The following MCFD2 variants were observed in gnomAD, a reference collection of about 807,000 sequenced individuals.
MCFD2 encodes multiple coagulation factor deficiency 2, ER cargo receptor complex subunit.
Under a neutral mutation model 12.8 loss-of-function variants are expected in MCFD2, and 11 were observed. The ratio of observed to expected loss-of-function variants is 0.86; its 90% CI spans 0.54 to 1.42. The LOEUF is 1.42. MCFD2 is among the 40% of genes most tolerant of loss of function. MCFD2 has a pLI of 0.00. For missense variants in MCFD2, 191 were observed against 178.6 expected (o/e 1.07, Z -0.40); for synonymous variants, 70 against 68.1 (o/e 1.03, Z -0.14).
chr2:46,934,222 T>C (rs937973773), intron 1 of MCFD2, among the ~76,000 whole-genome samples: 3 of 152,230 alleles, frequency 2.0e-5, no homozygotes, highest in Non-Finnish European at 4.4e-5. Context: ...TTCACTGTTT[T>C]TTGCAGAAGT....
At chr2:46,927,884 G>GT (rs566447236) in intron 1 of MCFD2, among the ~76,000 whole-genome samples, 8,037 of 73,342 alleles carry the variant, frequency 0.11, 1,925 homozygotes, top group African/African-American at 0.18. Context: ...TTTTTTTGGT[G>GT]TTTTTTTTTT....
At chr2:46,923,543 C>G (rs1290044242) in intron 1 of MCFD2, among the ~76,000 whole-genome samples, 1 of 152,120 alleles carries the variant, frequency 6.6e-6, no homozygotes, top group East Asian at 1.9e-4. Context: ...AGTATCAGAC[C>G]TGTCTCTTTA....
Position 46,934,675 on chromosome 2 carries a change from ACT to A in MCFD2, c.-8+6895_-8+6896del, listed in dbSNP as rs560718158. On this transcript the variant is annotated intron_variant, in intron 1 of 2. Coordinates refer to the MCFD2 transcript ENST00000409147. ...CAGTAAGCCTGGATGACAGAGGGAG[ACT>A]CTGTCTCAAAAACAAAAACAAACAA... Among the ~76,000 whole-genome samples the A allele has an allele frequency of 2.7e-3, 409 of 151,674 alleles. 3 individuals carry two copies. The highest frequency in any genetic ancestry group is 9.4e-3 in the African/African-American group (390 of 41,280).
At position 46,934,787 on chromosome 2, in the gene MCFD2, CTTTTTTTTTTTT is replaced by C. The variant is rs1161003607; in HGVS notation, c.-8+6773_-8+6784del. Among the ~76,000 whole-genome samples, 387 of 66,858 alleles carry C rather than the reference CTTTTTTTTTTTT, an allele frequency of 5.8e-3. 5 individuals are homozygous for C. Among genetic ancestry groups the C allele is most frequent in the African/African-American group, 0.023 (348 of 15,376 alleles). 43.9% of individuals were successfully genotyped at this position (66,858 alleles called of 152,430 possible). The stretch of plus-strand genomic sequence containing the variant: ...GGAATAAGGTATGAAGACTACTGCT[CTTTTTTTTTTTT>C]TTTTTTTTTTTTTTTTTTTTGAGAC... On this transcript the variant is annotated intron_variant, in intron 1 of 2. Coordinates refer to the MCFD2 transcript ENST00000409147.
chr2:46,932,852 G>T (rs1237436195), intron 1 of MCFD2, among the ~76,000 whole-genome samples: 9 of 145,708 alleles, frequency 6.2e-5, no homozygotes, highest in Non-Finnish European at 8.9e-5. Context: ...AGCAAGCGCA[G>T]ATCGCACCAC....
rs550715352 is a variant in MCFD2, at chr2:46,941,585, G to C, written c.-21C>G. Reference sequence around the variant, plus strand: ...CACGGCTCCTACCTGAAGGTGGAGAGCGAGCTGGAGCGCTGCCGCGCCGAG... The same window carrying C: ...CACGGCTCCTACCTGAAGGTGGAGACCGAGCTGGAGCGCTGCCGCGCCGAG... On this transcript the variant is annotated 5_prime_UTR_variant, in exon 1 of 3. Transcript: ENST00000409147. This position sits in a 1 kb window ranked among gnomAD's most constrained non-coding sequence, Gnocchi z 4.2. 2 of 1,557,088 alleles carry C rather than the reference G, an allele frequency of 1.3e-6. No individual in the cohort carries two copies. The highest frequency in any genetic ancestry group is 2.4e-5 in the East Asian group (1 of 41,514).
At chr2:46,917,925 A>G (rs773980978), upstream of MCFD2, among the ~76,000 whole-genome samples, 1 of 152,158 alleles carries the variant, frequency 6.6e-6, no homozygotes, top group Non-Finnish European at 1.5e-5. Flanking sequence ...TGGCTTCTCA[A>G]TCTATAATTA....
rs1167702508 is a variant in MCFD2, at chr2:46,941,505, T to C, written c.-8+67A>G. ...CGCCGCCCCCGGCCGGGTCTCCACT[T>C]CTTGGCCGCACCTTCCATGACAGCG... On this transcript the variant is annotated intron_variant, in intron 1 of 2. Coordinates refer to the MCFD2 transcript ENST00000409147. This position sits in a 1 kb window ranked among gnomAD's most constrained non-coding sequence, Gnocchi z 4.2. 8 of 1,545,456 alleles carry C rather than the reference T, an allele frequency of 5.2e-6. No homozygotes were observed.
chr2:46,909,455 T>G (rs1404186235), intron 1 of MCFD2, among the ~76,000 whole-genome samples: 2 of 152,080 alleles, frequency 1.3e-5, no homozygotes, highest in Non-Finnish European at 2.9e-5. Flanking sequence ...AAGATTATTC[T>G]TGCCTCCCAG....
Position 46,941,626 on chromosome 2 carries a change from A to T in MCFD2, c.-62T>A, listed in dbSNP as rs976227149. ...CCGCGCCGAGGGCCACTGGGACCGC[A>T]TGCCGGAGCTGGTCCGGCAGCTGCA... is the stretch of plus-strand genomic sequence containing the variant. On this transcript the variant is annotated 5_prime_UTR_variant, in exon 1 of 3. Transcript: ENST00000409147. The surrounding 1 kb of genome is among the most constrained non-coding windows in gnomAD (Gnocchi z 4.2). 2 of 1,555,450 alleles carry T rather than the reference A, an allele frequency of 1.3e-6. No homozygotes were observed. The highest frequency in any genetic ancestry group is 1.2e-5 in the South Asian group (1 of 84,354).
Position 46,909,188 on chromosome 2 carries a change from G to A in MCFD2, c.-6-11C>T, listed in dbSNP as rs746342157. 4 of 1,611,670 alleles carry A rather than the reference G, an allele frequency of 2.5e-6. No individual in the cohort carries two copies. Among genetic ancestry groups the A allele is most frequent in the South Asian group, 2.2e-5 (2 of 90,816 alleles). On this transcript the variant is annotated splice_polypyrimidine_tract_variant and intron_variant, in intron 1 of 3. Transcript: ENST00000319466. ...CATGGTCATCAATATCTGTGAGATG[G>A]GAAACACAGAAGAGGAAGGCAGAGC...
rs1486837082 is a variant in MCFD2, at chr2:46,908,279, G to A, written c.150-310C>T. The stretch of plus-strand genomic sequence containing the variant: ...TCCTTTAAAACTTTTTTTTTTTTTT[G>A]AGACAGGGTCTCACTCTGCCACCCA... On this transcript the variant is annotated intron_variant, in intron 2 of 3. Transcript: ENST00000319466. This position sits in a 1 kb window ranked among gnomAD's most constrained non-coding sequence, Gnocchi z 4.5. 2.9e-6 allele frequency: 1 copy of A among 344,428 alleles called. No individual in the cohort carries two copies. The highest frequency in any genetic ancestry group is 5.4e-6 in the Non-Finnish European group (1 of 186,372). The allele number at this position is 344,428 out of a possible 1,614,324, so 21.3% of individuals were successfully genotyped here.
Position 46,940,339 on chromosome 2 carries a change from T to G in MCFD2, c.-8+1233A>C, listed in dbSNP as rs1670223502. 6.6e-6 allele frequency among the ~76,000 whole-genome samples: 1 copy of G among 152,062 alleles called. No homozygotes were observed. Among genetic ancestry groups the G allele is most frequent in the Admixed American group, 6.5e-5 (1 of 15,282 alleles). On this transcript the variant is annotated intron_variant, in intron 1 of 2. Transcript: ENST00000409147. This position sits in a 1 kb window ranked among gnomAD's most constrained non-coding sequence, Gnocchi z 4.7. The stretch of plus-strand genomic sequence containing the variant: ...AATGTGTCACTTAAATGCCGGTGGT[T>G]TTTGGTTTCGGGTCTTGCTGTGGCT...
intron 1 of MCFD2, among the ~76,000 whole-genome samples, chr2:46,929,443 A>T (rs1189134430): frequency 6.6e-6 from 1 of 152,086 alleles, no homozygotes; most frequent in African/African-American, 2.4e-5. Context: ...ATGATAGCGC[A>T]ACTACACTCC....
intron 1 of MCFD2, among the ~76,000 whole-genome samples, chr2:46,911,125 AT>A (rs1246185280): frequency 6.6e-6 from 1 of 152,050 alleles, no homozygotes; most frequent in Non-Finnish European, 1.5e-5. Context: ...CAGACCTTTT[AT>A]TTTTTAATTT....
Position 46,908,005 on chromosome 2 carries a change from G to C in MCFD2, c.150-36C>G. The stretch of plus-strand genomic sequence containing the variant: ...ACAGTCAGGTTCAGGCCAATTGACA[G>C]ATACTGGGATCATGCTGAAATCTTA... On this transcript the variant is annotated intron_variant, in intron 2 of 3. Coordinates refer to ENST00000319466, the MANE Select transcript of MCFD2 (RefSeq NM_139279.6). This position sits in a 1 kb window ranked among gnomAD's most constrained non-coding sequence, Gnocchi z 4.5. The C allele has an allele frequency of 6.2e-7, 1 of 1,611,478 alleles. No homozygotes were observed. The highest frequency in any genetic ancestry group is 8.5e-7 in the Non-Finnish European group (1 of 1,178,406).
upstream of MCFD2, chr2:46,916,278 G>T: frequency 1.5e-6 from 1 of 665,502 alleles, no homozygotes; most frequent in Non-Finnish European, 1.9e-6. Context: ...AGCCGGCCTT[G>T]GACCCTACGT....
rs1038330905 is a variant in MCFD2 at position 46,905,195 on chromosome 2, C to T, written c.*268G>A. On this transcript the variant is annotated 3_prime_UTR_variant, in exon 4 of 4. Transcript: ENST00000319466. ...TTCCCAGTCTCGGGTACGTCTTTAT[C>T]AGCAGCATTAATACAGACTAATACA... The T allele has an allele frequency of 1.1e-5, 5 of 444,254 alleles. No homozygotes were observed. The highest frequency in any genetic ancestry group is 2.1e-5 in the Non-Finnish European group (5 of 242,222). The allele number at this position is 444,254 out of a possible 1,614,324, so 27.5% of individuals were successfully genotyped here.
At chr2:46,938,036 C>T (rs1558484486) in intron 1 of MCFD2, among the ~76,000 whole-genome samples, 1 of 152,042 alleles carries the variant, frequency 6.6e-6, no homozygotes, top group African/African-American at 2.4e-5. Flanking sequence ...GGACTCTTTT[C>T]TCTTTTTGTG....
Sources: gnomAD v4.1 joint callset for allele counts (sites outside exome capture counted in the v4.1 genomes callset) on GRCh38, gnomAD v4.1.1 for gene constraint, Gnocchi (gnomAD v3.1) non-coding constraint, MANE v1.5 for transcripts, NCBI Gene and HGNC (gene_info 2026-07-23, HGNC 2026-07-21) for gene names.